The following DLG2 variants were observed in gnomAD, a reference collection of about 807,000 sequenced individuals.
The protein encoded by DLG2 is discs large MAGUK scaffold protein 2.
A neutral mutation model predicts 132.5 loss-of-function variants in DLG2; 45 were observed. That is an observed-to-expected ratio of 0.34 (90% CI 0.27 to 0.44). The LOEUF is 0.44. DLG2 is among the 20% of genes least tolerant of loss of function. DLG2 has a pLI of 1.00. For synonymous variants in DLG2, 424 were observed against 419.6 expected (o/e 1.01, Z -0.13); for missense variants, 1,045 against 1,196.9 (o/e 0.87, Z 1.87).
chr11:85,166,673 T>G (rs1251731679), intron 4 of DLG2, among the ~76,000 whole-genome samples: 1 of 152,166 alleles, frequency 6.6e-6, no homozygotes, highest in African/African-American at 2.4e-5. Context: ...AACTTGTCAT[T>G]GCTTATATAT....
intron 7 of DLG2, among the ~76,000 whole-genome samples, chr11:84,393,900 T>C (rs1287799653): frequency 1.3e-5 from 2 of 152,196 alleles, no homozygotes; most frequent in African/African-American, 4.8e-5. Flanking sequence ...TTTTGTTGTT[T>C]GTTTAGACAG....
chr11:85,287,138 A>G (rs957291749), intron 3 of DLG2, among the ~76,000 whole-genome samples: 1 of 152,146 alleles, frequency 6.6e-6, no homozygotes, highest in Non-Finnish European at 1.5e-5. Flanking sequence ...GTGCATACAT[A>G]TGTCCAAACC....
intron 6 of DLG2, among the ~76,000 whole-genome samples, chr11:84,624,728 C>T (rs1460852256): frequency 2.6e-5 from 4 of 151,528 alleles, no homozygotes; most frequent in African/African-American, 9.7e-5. Context: ...GTGAACATCA[C>T]AGGTCAAATA....
chr11:84,468,908 G>A (rs2099101569), intron 7 of DLG2, among the ~76,000 whole-genome samples: 1 of 151,434 alleles, frequency 6.6e-6, no homozygotes, highest in Non-Finnish European at 1.5e-5. Flanking sequence ...ACTAATGTAA[G>A]GAATTAGTAG....
At chr11:83,786,540 T>A (rs1052155973) in intron 18 of DLG2, 150 bp downstream of exon 18, 37 of 626,350 alleles carry the variant, frequency 5.9e-5, no homozygotes, top group Middle Eastern at 2.8e-4. Context: ...ACGGTTCACG[T>A]TCTTTGGACA....
chr11:84,259,863 C>T (rs1290245276), intron 7 of DLG2, among the ~76,000 whole-genome samples: 1 of 152,162 alleles, frequency 6.6e-6, no homozygotes, highest in Non-Finnish European at 1.5e-5. Flanking sequence ...AGTCAGACAA[C>T]GGTAGCCTGG....
At chr11:85,223,363 G>A (rs1224051685) in intron 4 of DLG2, among the ~76,000 whole-genome samples, 1 of 152,098 alleles carries the variant, frequency 6.6e-6, no homozygotes, top group Non-Finnish European at 1.5e-5. Context: ...GATGAGCATG[G>A]TGGCTTACAC....
intron 3 of DLG2, among the ~76,000 whole-genome samples, chr11:85,388,116 G>A (rs1330595030): frequency 6.6e-6 from 1 of 152,184 alleles, no homozygotes; most frequent in Non-Finnish European, 1.5e-5. Context: ...GGGGGCCACA[G>A]TGGGAGTGAG....
At chr11:85,547,900 G>C (rs1225734181) in intron 3 of DLG2, among the ~76,000 whole-genome samples, 1 of 151,994 alleles carries the variant, frequency 6.6e-6, no homozygotes, top group Non-Finnish European at 1.5e-5. Context: ...CCTTTTTCAA[G>C]GTTCTTAGCT....
intron 7 of DLG2, among the ~76,000 whole-genome samples, chr11:84,392,601 C>T (rs2098796428): frequency 6.6e-6 from 1 of 152,162 alleles, no homozygotes; most frequent in Non-Finnish European, 1.5e-5. Flanking sequence ...ATGTATTGAA[C>T]ACTTACTATG....
At chr11:83,776,533 C>T (rs2094589623) in intron 18 of DLG2, among the ~76,000 whole-genome samples, 1 of 152,212 alleles carries the variant, frequency 6.6e-6, no homozygotes, top group African/African-American at 2.4e-5. Context: ...CAGCCAGAGC[C>T]ATCTTTGTGA....
intron 8 of DLG2, among the ~76,000 whole-genome samples, chr11:84,248,046 T>C (rs944851193): frequency 6.6e-6 from 1 of 152,050 alleles, no homozygotes; most frequent in Non-Finnish European, 1.5e-5. Flanking sequence ...AACTAGAACA[T>C]GAGGAAGAAA....
chr11:83,556,957 T>C (rs1216236960), intron 19 of DLG2, among the ~76,000 whole-genome samples: 1 of 152,172 alleles, frequency 6.6e-6, no homozygotes, highest in East Asian at 1.9e-4. Context: ...AGAACTCTAA[T>C]TATCAGCCCA....
intron 8 of DLG2, among the ~76,000 whole-genome samples, chr11:84,167,866 A>T (rs1288774090): frequency 6.6e-6 from 1 of 152,196 alleles, no homozygotes; most frequent in East Asian, 1.9e-4. Context: ...AGGTTTCACC[A>T]TGTTGACAAG....
At chr11:83,670,248 G>A (rs1189880476) in intron 18 of DLG2, among the ~76,000 whole-genome samples, 1 of 152,100 alleles carries the variant, frequency 6.6e-6, no homozygotes, top group African/African-American at 2.4e-5. Context: ...TCTTCTACGT[G>A]TTACAAATAG....
chr11:83,689,565 T>G (rs1392270969), intron 18 of DLG2, among the ~76,000 whole-genome samples: 2 of 152,126 alleles, frequency 1.3e-5, no homozygotes, highest in African/African-American at 4.8e-5. Context: ...TCCTCATCTA[T>G]CAAATGAGGA....
At chr11:83,698,660 T>C (rs998498155) in intron 18 of DLG2, among the ~76,000 whole-genome samples, 1 of 152,234 alleles carries the variant, frequency 6.6e-6, no homozygotes, top group African/African-American at 2.4e-5. Flanking sequence ...GTACTATAGT[T>C]AAATGGTTTT....
At chr11:84,849,859 C>T (rs1016718678) in intron 6 of DLG2, among the ~76,000 whole-genome samples, 24 of 152,144 alleles carry the variant, frequency 1.6e-4, no homozygotes, top group Non-Finnish European at 3.5e-4. Flanking sequence ...CACTTCTACA[C>T]CTAGACAGGT....
intron 11 of DLG2, among the ~76,000 whole-genome samples, chr11:84,010,529 T>C (rs1162795675): frequency 6.6e-6 from 1 of 152,020 alleles, no homozygotes; most frequent in Admixed American, 6.6e-5. Context: ...CTTGAATTCT[T>C]GGGCTCAAGT....
Sources: allele counts gnomAD v4.1 joint callset (sites outside exome capture counted in the v4.1 genomes callset), GRCh38; gene constraint gnomAD v4.1.1; transcripts MANE v1.5; gene names NCBI Gene and HGNC (gene_info 2026-07-23, HGNC 2026-07-21).